Variants in PANK1 observed in about 807,000 individuals in gnomAD.
PANK1 encodes pantothenic acid kinase 1.
Under a neutral mutation model 40.1 loss-of-function variants are expected in PANK1, and 18 were observed. That is an observed-to-expected ratio of 0.45 (90% CI 0.31 to 0.67). The LOEUF (loss-of-function observed/expected upper bound fraction) is 0.67. Ranked by LOEUF, PANK1 falls within the 30% of genes least tolerant of loss-of-function variation. The pLI is 0.06. For missense variants in PANK1, 457 were observed against 599.6 expected, an observed-to-expected ratio of 0.76 and a Z score of 2.48; for synonymous variants, 242 against 237.7, an observed-to-expected ratio of 1.02 and a Z score of -0.17.
chr10:89,600,654 G>T (rs563292226), intron 2 of PANK1, among the ~76,000 whole-genome samples: 5 of 152,134 alleles, frequency 3.3e-5, no homozygotes, highest in African/African-American at 1.2e-4. Flanking sequence ...GGGGCAAAAA[G>T]GTAAAGGGGA....
At chr10:89,626,667 T>C (rs373874459) in intron 1 of PANK1, 57 of 152,338 alleles carry the variant, frequency 3.7e-4, no homozygotes, top group African/African-American at 1.2e-3. Context: ...GTTTTGACCA[T>C]GCAGGTGTGC....
chr10:89,591,972 A>G (rs1844405350), intron 5 of PANK1, among the ~76,000 whole-genome samples: 3 of 152,228 alleles, frequency 2.0e-5, no homozygotes, highest in Non-Finnish European at 1.5e-5. Flanking sequence ...TTGAGAGCCC[A>G]TGAGTACAGC....
At chr10:89,643,418 A>G (rs1376402642) in intron 1 of PANK1, among the ~76,000 whole-genome samples, 1 of 152,240 alleles carries the variant, frequency 6.6e-6, no homozygotes, top group Non-Finnish European at 1.5e-5. Context: ...AAAGTTCCAC[A>G]CAAAATCTTA....
downstream of PANK1, chr10:89,582,032 T>C (rs1052622766): frequency 2.0e-5 from 3 of 152,248 alleles, no homozygotes; most frequent in Non-Finnish European, 4.4e-5. Context: ...TATTTTTTCA[T>C]TGTAGCTATC....
intron 1 of PANK1, among the ~76,000 whole-genome samples, chr10:89,614,840 T>G (rs1234239321): frequency 6.6e-6 from 1 of 151,900 alleles, no homozygotes; most frequent in African/African-American, 2.4e-5. Flanking sequence ...GCTAGAAATA[T>G]TTCCCCAATC....
Position 89,645,221 on chromosome 10 carries a change from C to CG in PANK1, c.-331dup, listed in dbSNP as rs1422683014. On this transcript the variant is annotated 5_prime_UTR_variant, in exon 1 of 7. Coordinates refer to ENST00000307534, the MANE Select transcript of PANK1 (RefSeq NM_148977.3). ...TCCCCAGGCCGCGCGACTTCAAACG[C>CG]GGCTTCCTCGCCTCCCAGACTGGTC... 1 of 1,599,336 alleles carries CG rather than the reference C, an allele frequency of 6.3e-7. No homozygotes were observed. The highest frequency in any genetic ancestry group is 8.5e-7 in the Non-Finnish European group (1 of 1,173,812).
At chr10:89,592,117 T>A (rs1013860068) in intron 5 of PANK1, among the ~76,000 whole-genome samples, 1 of 152,236 alleles carries the variant, frequency 6.6e-6, no homozygotes, top group Non-Finnish European at 1.5e-5. Flanking sequence ...ATCTCTGGAA[T>A]GCTCTTTTCT....
intron 5 of PANK1, among the ~76,000 whole-genome samples, chr10:89,592,304 T>C (rs1417221950): frequency 6.6e-6 from 1 of 152,184 alleles, no homozygotes; most frequent in Non-Finnish European, 1.5e-5. Context: ...GACTGCCTCA[T>C]ACACTAACAT....
chr10:89,608,026 T>TA lies in PANK1; in HGVS notation c.645+3669dup, dbSNP rs201022436. On this transcript the variant is annotated intron_variant, in intron 2 of 6. Transcript: ENST00000307534. ...AAAAATTTGGTTATGACAATGATCC[T>TA]AAACTTTTTTTTTTTTTTTTTTTGA... is the stretch of plus-strand genomic sequence containing the variant. Among the ~76,000 whole-genome samples the TA allele has an allele frequency of 1.5e-3, 208 of 142,478 alleles. 2 individuals carry two copies. The highest frequency in any genetic ancestry group is 2.5e-3 in the Admixed American group (33 of 13,434). 93.5% of individuals were successfully genotyped at this position (142,478 alleles called of 152,430 possible).
chr10:89,598,020 C>T (rs779359006), intron 3 of PANK1, among the ~76,000 whole-genome samples: 1 of 152,116 alleles, frequency 6.6e-6, no homozygotes, highest in African/African-American at 2.4e-5. Flanking sequence ...TGTGTGTGTA[C>T]ATGCATGCCA....
intron 2 of PANK1, among the ~76,000 whole-genome samples, chr10:89,605,343 C>T (rs1277365255): frequency 6.6e-6 from 1 of 152,200 alleles, no homozygotes. Flanking sequence ...ATTTTACCCA[C>T]CATAGAACTT....
At chr10:89,624,111 G>GCC (rs1845590420) in intron 1 of PANK1, among the ~76,000 whole-genome samples, 1 of 152,090 alleles carries the variant, frequency 6.6e-6, no homozygotes, top group Admixed American at 6.5e-5. Flanking sequence ...TATTTGAGAG[G>GCC]GAAAAAGAGA....
At chr10:89,644,456 C>G (rs1250737889) in intron 1 of PANK1, 144 bp downstream of exon 1, 4 of 667,068 alleles carry the variant, frequency 6.0e-6, no homozygotes, top group Non-Finnish European at 9.6e-6. Context: ...GAATCAGTCC[C>G]GGGAACCTAC....
At chr10:89,595,873 T>TATATATATATATAAAA (rs781450193) in intron 3 of PANK1, among the ~76,000 whole-genome samples, 3 of 81,488 alleles carry the variant, frequency 3.7e-5, no homozygotes, top group African/African-American at 1.6e-4. Flanking sequence ...TATATATATA[T>TATATATATATATAAAA]AACTTCATTT....
intron 1 of PANK1, among the ~76,000 whole-genome samples, chr10:89,616,626 T>A (rs947326862): frequency 6.6e-6 from 1 of 151,368 alleles, no homozygotes; most frequent in Non-Finnish European, 1.5e-5. Context: ...CGAAAATCCA[T>A]CTCTTAAAAA....
chr10:89,591,989 C>T (rs1264251188), intron 5 of PANK1, among the ~76,000 whole-genome samples: 4 of 152,182 alleles, frequency 2.6e-5, no homozygotes, highest in South Asian at 2.1e-4. Flanking sequence ...CAGCCAACTA[C>T]ACACATATTG....
chr10:89,593,990 C>T lies in PANK1; in HGVS notation c.900-1G>A. The T allele has an allele frequency of 6.2e-7, 1 of 1,607,880 alleles. No individual in the cohort carries two copies. Among genetic ancestry groups the T allele is most frequent in the African/African-American group, 1.3e-5 (1 of 74,790 alleles). On this transcript the variant is annotated splice_acceptor_variant, in intron 3 of 6. Transcript: ENST00000307534. LOFTEE classifies it high-confidence loss of function. ...GCCTAGGAATGTTCCACCTCCAAGA[C>T]TGAAGGAATAATAAGGTTTATTTTT... is the stretch of plus-strand genomic sequence containing the variant.
At chr10:89,597,895 C>G (rs1589769998) in intron 3 of PANK1, among the ~76,000 whole-genome samples, 1 of 152,162 alleles carries the variant, frequency 6.6e-6, no homozygotes, top group Non-Finnish European at 1.5e-5. Context: ...CTTGTGTGAG[C>G]AAGCAAACTT....
At chr10:89,596,005 G>A (rs1844591556) in intron 3 of PANK1, among the ~76,000 whole-genome samples, 1 of 151,164 alleles carries the variant, frequency 6.6e-6, no homozygotes, top group South Asian at 2.1e-4. Flanking sequence ...AGTTCCATGA[G>A]TAAAGGAAGA....
Sources: allele counts gnomAD v4.1 joint callset (sites outside exome capture counted in the v4.1 genomes callset), GRCh38; gene constraint gnomAD v4.1.1; transcripts MANE v1.5; gene names NCBI Gene and HGNC (gene_info 2026-07-23, HGNC 2026-07-21).